CTNND2: variants seen among roughly 807,000 people sequenced by gnomAD.
The protein encoded by CTNND2 is catenin delta 2.
In CTNND2, 22 loss-of-function variants were observed where a neutral mutation model predicts 144.4. The observed-to-expected ratio is 0.15, with a 90% CI of 0.11 to 0.22. CTNND2 has a LOEUF of 0.22. Ranked by LOEUF, CTNND2 falls within the 10% of genes least tolerant of loss-of-function variation. CTNND2 has a pLI of 1.00. For missense variants in CTNND2, 1,353 were observed against 1,618.8 expected, an observed-to-expected ratio of 0.84 and a Z score of 2.82; for synonymous variants, 751 against 695.6, an observed-to-expected ratio of 1.08 and a Z score of -1.25.
chr5:11,368,037 G>A (rs1224941875), intron 7 of CTNND2, among the ~76,000 whole-genome samples: 1 of 152,116 alleles, frequency 6.6e-6, no homozygotes, highest in African/African-American at 2.4e-5. Context: ...CTCAGGCACT[G>A]GCAATTTTTC....
intron 18 of CTNND2, among the ~76,000 whole-genome samples, chr5:10,995,700 A>C (rs1310720514): frequency 6.6e-6 from 1 of 152,108 alleles, no homozygotes; most frequent in Non-Finnish European, 1.5e-5. Context: ...AGAAGGAAAA[A>C]CCTGGGGACA....
At position 11,006,493 on chromosome 5, in the gene CTNND2, T is replaced by C. The variant is rs950239170; in HGVS notation, c.3084+11481A>G. On this transcript the variant is annotated intron_variant, in intron 18 of 21. Transcript: ENST00000304623. ...ATGGAGAAGAGCTGACCCATCTACT[T>C]GAACACCTGTCCAGGATGACTACAG... is the stretch of plus-strand genomic sequence containing the variant. Among the ~76,000 whole-genome samples the C allele has an allele frequency of 4.7e-4, 71 of 152,218 alleles. 1 individual carries two copies. The highest frequency in any genetic ancestry group is 3.7e-3 in the Admixed American group (57 of 15,288).
At chr5:10,987,633 C>G (rs1041378382) in intron 20 of CTNND2, among the ~76,000 whole-genome samples, 2 of 149,376 alleles carry the variant, frequency 1.3e-5, no homozygotes, top group Admixed American at 1.3e-4. Context: ...CTGCCCTCCT[C>G]TTTCCATTCC....
intron 2 of CTNND2, among the ~76,000 whole-genome samples, chr5:11,597,446 G>C (rs745362047): frequency 1.3e-5 from 2 of 152,160 alleles, no homozygotes; most frequent in Non-Finnish European, 2.9e-5. Flanking sequence ...CTGATGGACT[G>C]GATGAAAATT....
intron 18 of CTNND2, among the ~76,000 whole-genome samples, chr5:11,002,639 A>G (rs1740074652): frequency 6.6e-6 from 1 of 152,184 alleles, no homozygotes; most frequent in South Asian, 2.1e-4. Context: ...TCAACAGATG[A>G]GATTTAGCAG....
intron 3 of CTNND2, among the ~76,000 whole-genome samples, chr5:11,460,271 A>G (rs920216595): frequency 6.6e-6 from 1 of 152,196 alleles, no homozygotes. Context: ...CTCAGGAAAA[A>G]TTTATCCAAG....
chr5:11,046,433 G>A (rs370857135), intron 16 of CTNND2, among the ~76,000 whole-genome samples: 5 of 152,190 alleles, frequency 3.3e-5, no homozygotes, highest in East Asian at 1.9e-4. Context: ...CCTGTGACAC[G>A]CTAATCTGAA....
intron 14 of CTNND2, among the ~76,000 whole-genome samples, chr5:11,104,941 TG>T (rs986393136): frequency 1.3e-5 from 2 of 152,166 alleles, no homozygotes; most frequent in African/African-American, 4.8e-5. Context: ...CCTCCTCCTG[TG>T]GGGGGCCACG....
intron 2 of CTNND2, among the ~76,000 whole-genome samples, chr5:11,727,521 T>G (rs1787089240): frequency 6.6e-6 from 1 of 151,994 alleles, no homozygotes; most frequent in Admixed American, 6.6e-5. Context: ...AATGCATGCT[T>G]TTTTTTTCAT....
chr5:11,755,723 G>A (rs1788896405), intron 1 of CTNND2, among the ~76,000 whole-genome samples: 1 of 144,730 alleles, frequency 6.9e-6, no homozygotes. Context: ...GGTTTATTCT[G>A]CTGTTAATAC....
chr5:11,558,448 CTT>C (rs1446849548), intron 3 of CTNND2, among the ~76,000 whole-genome samples: 1 of 151,914 alleles, frequency 6.6e-6, no homozygotes, highest in Non-Finnish European at 1.5e-5. Flanking sequence ...TCACAGCAGC[CTT>C]GACCTCTCCG....
intron 12 of CTNND2, among the ~76,000 whole-genome samples, chr5:11,134,018 CTTAGGAT>C (rs1335282667): frequency 6.6e-6 from 1 of 152,094 alleles, no homozygotes; most frequent in Non-Finnish European, 1.5e-5. Flanking sequence ...ATCAGCTGAC[CTTAGGAT>C]AGGGAAATGA....
At chr5:11,200,541 T>G (rs893343502) in intron 10 of CTNND2, among the ~76,000 whole-genome samples, 14 of 152,230 alleles carry the variant, frequency 9.2e-5, no homozygotes, top group Non-Finnish European at 1.5e-5. Flanking sequence ...ACTTTATGCT[T>G]CACCGTTCTT....
intron 9 of CTNND2, among the ~76,000 whole-genome samples, chr5:11,319,668 C>A (rs1053121932): frequency 1.3e-5 from 2 of 152,074 alleles, no homozygotes; most frequent in African/African-American, 2.4e-5. Flanking sequence ...TTACAGGCTC[C>A]TGCCACCACA....
At chr5:11,892,434 A>C (rs1737045376) in intron 1 of CTNND2, among the ~76,000 whole-genome samples, 1 of 152,254 alleles carries the variant, frequency 6.6e-6, no homozygotes, top group Admixed American at 6.5e-5. Context: ...AAAACCATTC[A>C]GCAGACAAAC....
chr5:11,262,801 G>GAAAC (rs1745040988), intron 9 of CTNND2, among the ~76,000 whole-genome samples: 1 of 102,850 alleles, frequency 9.7e-6, no homozygotes, highest in African/African-American at 3.6e-5. Flanking sequence ...AAGAAAGAAA[G>GAAAC]AAACGAAATT....
At chr5:11,858,307 C>A (rs894485851) in intron 1 of CTNND2, among the ~76,000 whole-genome samples, 8 of 152,106 alleles carry the variant, frequency 5.3e-5, no homozygotes, top group Admixed American at 5.2e-4. Flanking sequence ...AGTATACATG[C>A]ACACAAAGAA....
chr5:11,838,095 A>C (rs1794274689), intron 1 of CTNND2, among the ~76,000 whole-genome samples: 2 of 152,098 alleles, frequency 1.3e-5, no homozygotes, highest in African/African-American at 4.8e-5. Context: ...AGGAACACCA[A>C]ACATTTTTTT....
chr5:11,869,566 C>G (rs1473449840), intron 1 of CTNND2, among the ~76,000 whole-genome samples: 1 of 152,106 alleles, frequency 6.6e-6, no homozygotes, highest in Non-Finnish European at 1.5e-5. Context: ...TGGCTATGGG[C>G]TGCAAGAATG....
Sources: gnomAD v4.1 joint callset for allele counts (sites outside exome capture counted in the v4.1 genomes callset) on GRCh38, gnomAD v4.1.1 for gene constraint, MANE v1.5 for transcripts, NCBI Gene and HGNC (gene_info 2026-07-23, HGNC 2026-07-21) for gene names.